Variants in ZNF236 observed in about 807,000 individuals in gnomAD.
The protein encoded by ZNF236 is zinc finger protein 236.
Under a neutral mutation model 191.2 loss-of-function variants are expected in ZNF236, and 50 were observed. That is an observed-to-expected ratio of 0.26 (90% CI 0.21 to 0.33). ZNF236 has a LOEUF of 0.33. Among genes scored for constraint, ZNF236 ranks in the 10% least tolerant of loss-of-function variants. The pLI, the probability that ZNF236 is intolerant of heterozygous loss-of-function variation, is 1.00. For missense variants in ZNF236, 1,754 were observed against 2,374.5 expected (o/e 0.74, Z 5.43); for synonymous variants, 907 against 928.8 (o/e 0.98, Z 0.43).
intron 9 of ZNF236, chr18:76,888,579 CTT>C (rs995653695): frequency 1.2e-4 from 19 of 152,344 alleles, no homozygotes; most frequent in African/African-American, 4.3e-4. Flanking sequence ...AGCAGAAAGA[CTT>C]TGTGTCACCC....
intron 25 of ZNF236, chr18:76,936,256 G>T: frequency 2.2e-6 from 1 of 450,582 alleles, no homozygotes; most frequent in East Asian, 7.0e-5. Context: ...GGCACAAGTG[G>T]ATGAGGAATA....
chr18:76,906,483 C>T (rs866480983), intron 13 of ZNF236, among the ~76,000 whole-genome samples: 20 of 152,216 alleles, frequency 1.3e-4, no homozygotes, highest in Middle Eastern at 3.4e-3. Flanking sequence ...AGCAGGATGA[C>T]GGGTCCCCAG....
chr18:76,837,437 CTTTT>C (rs71760598), intron 1 of ZNF236, among the ~76,000 whole-genome samples: 1 of 105,854 alleles, frequency 9.4e-6, no homozygotes, highest in African/African-American at 3.8e-5. Context: ...TTTTCTTTTT[CTTTT>C]TTTTTTTTTT....
At chr18:76,874,493 C>T (rs1235470232) in intron 5 of ZNF236, among the ~76,000 whole-genome samples, 1 of 151,980 alleles carries the variant, frequency 6.6e-6, no homozygotes, top group Non-Finnish European at 1.5e-5. Context: ...AGAGCCGCAG[C>T]GCACAAGCAC....
Position 76,971,107 on chromosome 18 carries a change from C to T in ZNF236, c.*2768C>T, listed in dbSNP as rs917114317. 6.6e-6 allele frequency among the ~76,000 whole-genome samples: 1 copy of T among 152,256 alleles called. No homozygotes were observed. The highest frequency in any genetic ancestry group is 2.4e-5 in the African/African-American group (1 of 41,472). ...CACTGAAGCTGAAAGAATGAATTGC[C>T]TTTGCAAAGATACCAAACGTGAAGG... On this transcript the variant is annotated 3_prime_UTR_variant, in exon 31 of 31. Transcript: ENST00000320610.
intron 14 of ZNF236, 28 bp downstream of exon 14, chr18:76,908,601 A>G: frequency 6.3e-7 from 1 of 1,578,230 alleles, no homozygotes; most frequent in Non-Finnish European, 8.6e-7. Context: ...TTTAACTTTG[A>G]GTGATCCCAG....
chr18:76,922,559 T>C (rs939899488), intron 20 of ZNF236, among the ~76,000 whole-genome samples: 1 of 141,324 alleles, frequency 7.1e-6, no homozygotes, highest in Non-Finnish European at 1.5e-5. Flanking sequence ...AAGGAAATTG[T>C]CTTTTTTTTT....
At chr18:76,866,428 G>C (rs1976406635) in intron 3 of ZNF236, among the ~76,000 whole-genome samples, 1 of 152,162 alleles carries the variant, frequency 6.6e-6, no homozygotes, top group South Asian at 2.1e-4. Context: ...GATGATGGGG[G>C]GGATCCTGGA....
chr18:76,878,619 GCACACACACA>G (rs34297502), intron 7 of ZNF236, among the ~76,000 whole-genome samples: 2 of 149,948 alleles, frequency 1.3e-5, no homozygotes, highest in Non-Finnish European at 3.0e-5. Context: ...ACACAGGTGC[GCACACACACA>G]CACACACACA....
chr18:76,830,063 G>C (rs1255112215), intron 1 of ZNF236, among the ~76,000 whole-genome samples: 1 of 152,022 alleles, frequency 6.6e-6, no homozygotes, highest in Non-Finnish European at 1.5e-5. Context: ...TAGAGATGGG[G>C]GTTCACCATG....
At chr18:76,915,038 G>A (rs1967318564) in intron 18 of ZNF236, among the ~76,000 whole-genome samples, 1 of 152,162 alleles carries the variant, frequency 6.6e-6, no homozygotes, top group African/African-American at 2.4e-5. Context: ...TACTTTGAAG[G>A]ACATGCTACG....
chr18:76,923,296 C>A, intron 21 of ZNF236, 122 bp downstream of exon 21: 1 of 622,506 alleles, frequency 1.6e-6, no homozygotes, highest in South Asian at 2.4e-5. Context: ...AAATGAGGCA[C>A]CAAGAAGGAA....
At chr18:76,954,709 G>A (rs909048710) in intron 27 of ZNF236, among the ~76,000 whole-genome samples, 4 of 152,020 alleles carry the variant, frequency 2.6e-5, no homozygotes, top group East Asian at 1.9e-4. Flanking sequence ...AGATACTCAC[G>A]TGTAAACTCA....
At chr18:76,895,994 G>A (rs915922667) in intron 10 of ZNF236, among the ~76,000 whole-genome samples, 2 of 151,976 alleles carry the variant, frequency 1.3e-5, no homozygotes, top group African/African-American at 2.4e-5. Context: ...CGTGGGCACT[G>A]GCCACAGGGA....
chr18:76,874,138 G>A (rs1005995477), intron 5 of ZNF236, among the ~76,000 whole-genome samples: 4 of 151,864 alleles, frequency 2.6e-5, no homozygotes, highest in Non-Finnish European at 4.4e-5. Context: ...AGCCGTGACC[G>A]GGCCACACTC....
intron 3 of ZNF236, among the ~76,000 whole-genome samples, chr18:76,852,623 GACCCCATCTCT>G (rs1311999724): frequency 6.6e-6 from 1 of 150,690 alleles, no homozygotes; most frequent in Non-Finnish European, 1.5e-5. Context: ...AACATAGTGA[GACCCCATCTCT>G]ACCAAAAAAA....
chr18:76,892,165 TGGG>T (rs1568215547), intron 9 of ZNF236, among the ~76,000 whole-genome samples: 6 of 92,740 alleles, frequency 6.5e-5, no homozygotes, highest in East Asian at 3.1e-4. Context: ...AATTTTCTTC[TGGG>T]TTTTTTTTTT....
At chr18:76,922,892 A>G (rs550889009) in intron 20 of ZNF236, among the ~76,000 whole-genome samples, 179 bp from the exon 21 acceptor site, 8 of 152,166 alleles carry the variant, frequency 5.3e-5, no homozygotes, top group Non-Finnish European at 1.2e-4. Context: ...TTGTCCTGCA[A>G]ATATTTTCGT....
chr18:76,895,314 GCACTGGCCACGGGGGC>G, intron 10 of ZNF236, 29 bp downstream of exon 10: 1 of 1,593,436 alleles, frequency 6.3e-7, no homozygotes, highest in Non-Finnish European at 8.5e-7. Flanking sequence ...GCCCACACGG[GCACTGGCCACGGGGGC>G]CACACACATT....
Sources: allele counts gnomAD v4.1 joint callset (sites outside exome capture counted in the v4.1 genomes callset), GRCh38; gene constraint gnomAD v4.1.1; transcripts MANE v1.5; gene names NCBI Gene and HGNC (gene_info 2026-07-23, HGNC 2026-07-21).